The following DIP2B variants were observed in gnomAD, a reference collection of about 807,000 sequenced individuals.
The protein encoded by DIP2B is DIP2 acetate--CoA ligase B (putative), also known as disco-interacting protein 2 homolog B.
DIP2B carries 76 observed loss-of-function variants against 198.0 expected under a neutral mutation model. That is an observed-to-expected ratio of 0.38 (90% CI 0.32 to 0.46). The LOEUF is 0.46. Among genes scored for constraint, DIP2B ranks in the 20% least tolerant of loss-of-function variants. DIP2B has a pLI of 0.99. For synonymous variants in DIP2B, 701 were observed against 739.1 expected (o/e 0.95, Z 0.84); for missense variants, 1,559 against 1,978.4 (o/e 0.79, Z 4.02).
At chr12:50,733,434 T>C (rs2139600123) in intron 32 of DIP2B, among the ~76,000 whole-genome samples, 1 of 152,196 alleles carries the variant, frequency 6.6e-6, no homozygotes, top group East Asian at 1.9e-4. Context: ...ATGGCTATAA[T>C]CCCAACACTT....
intron 1 of DIP2B, among the ~76,000 whole-genome samples, chr12:50,543,234 A>G (rs1479514242): frequency 6.6e-6 from 1 of 152,012 alleles, no homozygotes; most frequent in Non-Finnish European, 1.5e-5. Flanking sequence ...TAAATTAATT[A>G]AGGTTAAGAG....
chr12:50,553,661 T>A (rs1237078348), intron 1 of DIP2B, among the ~76,000 whole-genome samples: 1 of 152,174 alleles, frequency 6.6e-6, no homozygotes, highest in Non-Finnish European at 1.5e-5. Context: ...TTTATTCTTT[T>A]GTTTCGTTCT....
At chr12:50,560,049 G>T (rs1412421753) in intron 1 of DIP2B, among the ~76,000 whole-genome samples, 1 of 152,052 alleles carries the variant, frequency 6.6e-6, no homozygotes, top group Non-Finnish European at 1.5e-5. Flanking sequence ...GGCCGAGGTG[G>T]GTGGATCACT....
intron 1 of DIP2B, among the ~76,000 whole-genome samples, chr12:50,514,786 T>C (rs1213980203): frequency 1.3e-5 from 2 of 152,096 alleles, no homozygotes; most frequent in Middle Eastern, 3.4e-3. Context: ...GCCTCTCAAG[T>C]AGCTGGGACT....
intron 1 of DIP2B, among the ~76,000 whole-genome samples, chr12:50,512,470 A>G (rs1339802420): frequency 3.9e-5 from 6 of 152,038 alleles, no homozygotes; most frequent in Non-Finnish European, 7.4e-5. Context: ...ACTCACAACT[A>G]TTTATTTCTT....
chr12:50,554,385 T>G (rs1396956781), intron 1 of DIP2B, among the ~76,000 whole-genome samples: 1 of 152,226 alleles, frequency 6.6e-6, no homozygotes, highest in Non-Finnish European at 1.5e-5. Flanking sequence ...TTTTATTTTT[T>G]TCTTTTCTGC....
At chr12:50,634,662 G>A (rs1938124867) in intron 2 of DIP2B, among the ~76,000 whole-genome samples, 1 of 152,164 alleles carries the variant, frequency 6.6e-6, no homozygotes, top group Non-Finnish European at 1.5e-5. Flanking sequence ...CATTATCTGA[G>A]TTGCATTTTA....
Position 50,735,063 on chromosome 12 carries a change from T to C in DIP2B, c.4044-10T>C. 6.2e-7 allele frequency: 1 copy of C among 1,614,114 alleles called. No homozygotes were observed. Among genetic ancestry groups the C allele is most frequent in the Non-Finnish European group, 8.5e-7 (1 of 1,180,008 alleles). On this transcript the variant is annotated splice_polypyrimidine_tract_variant and intron_variant, in intron 33 of 37. Coordinates refer to ENST00000301180, the MANE Select transcript of DIP2B (RefSeq NM_173602.3). ...AAGCCCTATATATAGTAAATACCGTTCTTCTGCAGGGTTCGTCTCGTGGAA... is the reference window on the plus strand; with the variant it reads ...AAGCCCTATATATAGTAAATACCGTCCTTCTGCAGGGTTCGTCTCGTGGAA...
At chr12:50,607,443 A>C (rs921514329) in intron 1 of DIP2B, among the ~76,000 whole-genome samples, 7 of 152,196 alleles carry the variant, frequency 4.6e-5, no homozygotes, top group African/African-American at 1.7e-4. Flanking sequence ...CATTAAGACA[A>C]ATTTTGAAGA....
chr12:50,663,872 T>TAAAAAAAAAAAA (rs397934701), intron 4 of DIP2B, among the ~76,000 whole-genome samples: 4 of 104,836 alleles, frequency 3.8e-5, no homozygotes, highest in Non-Finnish European at 7.5e-5. Context: ...CCCATCTCTT[T>TAAAAAAAAAAAA]AAAAAAAAAA....
At chr12:50,511,281 T>A (rs1958013048) in intron 1 of DIP2B, among the ~76,000 whole-genome samples, 1 of 132,626 alleles carries the variant, frequency 7.5e-6, no homozygotes, top group African/African-American at 2.9e-5. Context: ...CCCTGACCAG[T>A]GTGATTTCTA....
chr12:50,630,658 CTTTTCTTTTTTTT>C (rs1938030205), intron 2 of DIP2B, among the ~76,000 whole-genome samples: 1 of 84,696 alleles, frequency 1.2e-5, no homozygotes, highest in African/African-American at 3.9e-5. Context: ...CGAATTCTTT[CTTTTCTTTTTTTT>C]TTTTTTTTTT....
At chr12:50,662,891 A>G (rs1938676792) in intron 4 of DIP2B, among the ~76,000 whole-genome samples, 2 of 152,026 alleles carry the variant, frequency 1.3e-5, no homozygotes, top group Non-Finnish European at 2.9e-5. Context: ...CAGGCAGATC[A>G]GGAGGTCAGG....
At chr12:50,670,044 C>T (rs1405408239) in intron 4 of DIP2B, among the ~76,000 whole-genome samples, 2 of 152,132 alleles carry the variant, frequency 1.3e-5, no homozygotes, top group South Asian at 2.1e-4. Context: ...TCTTTAACTG[C>T]GTGCTTCATA....
At chr12:50,677,689 T>C (rs1190852233) in intron 7 of DIP2B, among the ~76,000 whole-genome samples, 2 of 152,146 alleles carry the variant, frequency 1.3e-5, no homozygotes, top group Non-Finnish European at 2.9e-5. Context: ...TTTTAGAAAT[T>C]AAGAGGACTT....
rs534720925 is a variant in DIP2B, at chr12:50,707,846, C to T, written c.2535-602C>T. On this transcript the variant is annotated intron_variant, in intron 21 of 37. Transcript: ENST00000301180. ...TCCCTCCCATGGCCTCTCAGGTCCACTGGGATCTGCCCTGGCCTGGGTCTG... is the reference window on the plus strand; with the variant it reads ...TCCCTCCCATGGCCTCTCAGGTCCATTGGGATCTGCCCTGGCCTGGGTCTG... Among the ~76,000 whole-genome samples the T allele has an allele frequency of 5.9e-5, 9 of 152,270 alleles. No individual in the cohort carries two copies. In the South Asian group the frequency reaches 1.5e-3, roughly 25 times the overall value.
chr12:50,670,519 G>A (rs1938833931), intron 4 of DIP2B, among the ~76,000 whole-genome samples: 1 of 151,964 alleles, frequency 6.6e-6, no homozygotes, highest in Admixed American at 6.6e-5. Context: ...AGGTTCAAAC[G>A]ATTCTCCTGC....
rs999720378 is a variant in DIP2B, at chr12:50,505,251, G to C, written c.100+11G>C. The stretch of plus-strand genomic sequence containing the variant: ...TGGAGCTCTCGGAGGGTAGGAGCCG[G>C]GCCGGGGAGAGGGCGCCCGGGGCCC... On this transcript the variant is annotated intron_variant, in intron 1 of 37. Transcript: ENST00000301180. 282 of 1,494,898 alleles carry C rather than the reference G, an allele frequency of 1.9e-4. No homozygotes were observed. The highest frequency in any genetic ancestry group is 2.4e-4 in the Non-Finnish European group (274 of 1,129,744). The allele number at this position is 1,494,898 out of a possible 1,614,324, so 92.6% of individuals were successfully genotyped here.
intron 2 of DIP2B, among the ~76,000 whole-genome samples, chr12:50,633,679 T>C (rs1938105623): frequency 6.6e-6 from 1 of 152,080 alleles, no homozygotes; most frequent in Non-Finnish European, 1.5e-5. Flanking sequence ...GGTGGGAGGA[T>C]TGCTTGAGCC....
Sources: allele counts gnomAD v4.1 joint callset (sites outside exome capture counted in the v4.1 genomes callset), GRCh38; gene constraint gnomAD v4.1.1; transcripts MANE v1.5; gene names NCBI Gene and HGNC (gene_info 2026-07-23, HGNC 2026-07-21).